TSPO: variants seen among roughly 807,000 people sequenced by gnomAD.
The protein encoded by TSPO is benzodiazepine peripheral binding site.
A neutral mutation model predicts 13.9 loss-of-function variants in TSPO; 14 were observed. The ratio of observed to expected loss-of-function variants is 1.01; its 90% CI spans 0.67 to 1.58. TSPO has a LOEUF of 1.58. Ranked by LOEUF, TSPO falls within the 40% of genes most tolerant of loss-of-function variation. The pLI, the probability that TSPO is intolerant of heterozygous loss-of-function variation, is 0.00. For missense variants in TSPO, 232 were observed against 229.6 expected, an observed-to-expected ratio of 1.01 and a Z score of -0.07; for synonymous variants, 114 against 105.9, an observed-to-expected ratio of 1.08 and a Z score of -0.47.
chr22:43,153,345 T>TGGATG (rs1214567553), intron 1 of TSPO, among the ~76,000 whole-genome samples: 45 of 49,934 alleles, frequency 9.0e-4, no homozygotes, highest in South Asian at 2.0e-3. Flanking sequence ...TCTTTTTTTT[T>TGGATG]TTTTTTTTTT....
At chr22:43,162,586 C>T (rs1333021624) in intron 3 of TSPO, among the ~76,000 whole-genome samples, 1 of 152,224 alleles carries the variant, frequency 6.6e-6, no homozygotes, top group Non-Finnish European at 1.5e-5. Flanking sequence ...GTGCACCCCA[C>T]ACAAGGCATG....
At chr22:43,154,189 T>C (rs1382061929) in intron 1 of TSPO, among the ~76,000 whole-genome samples, 2 of 151,876 alleles carry the variant, frequency 1.3e-5, no homozygotes, top group Non-Finnish European at 2.9e-5. Flanking sequence ...CGATTAGCCA[T>C]GAATCATTTT....
chr22:43,161,852 T>C (rs968317543), intron 3 of TSPO, among the ~76,000 whole-genome samples: 1 of 152,126 alleles, frequency 6.6e-6, no homozygotes, highest in Non-Finnish European at 1.5e-5. Context: ...GAAGACTCGC[T>C]GTGTTGCCCA....
intron 1 of TSPO, among the ~76,000 whole-genome samples, chr22:43,152,962 C>G (rs1412717819): frequency 6.6e-6 from 1 of 152,200 alleles, no homozygotes; most frequent in African/African-American, 2.4e-5. Flanking sequence ...CTTGGGCTCG[C>G]AGGGAGGGAG....
intron 1 of TSPO, among the ~76,000 whole-genome samples, chr22:43,158,511 G>A (rs905135122): frequency 6.6e-6 from 1 of 152,122 alleles, no homozygotes; most frequent in Non-Finnish European, 1.5e-5. Context: ...GAGCCATATT[G>A]CCACCAGGGC....
At chr22:43,162,102 C>T (rs976672261) in intron 3 of TSPO, among the ~76,000 whole-genome samples, 47 of 149,882 alleles carry the variant, frequency 3.1e-4, no homozygotes, top group African/African-American at 1.1e-3. Context: ...AGGCATGCAG[C>T]ACCATGTCCA....
intron 1 of TSPO, among the ~76,000 whole-genome samples, chr22:43,152,524 G>A (rs902532351): frequency 1.3e-5 from 2 of 152,268 alleles, no homozygotes; most frequent in Admixed American, 6.5e-5. Context: ...GGCGAGGCCC[G>A]GCGTCTCTGT....
At chr22:43,162,711 C>T (rs2147059941) in intron 3 of TSPO, 92 bp from the exon 4 acceptor site, 1 of 1,346,398 alleles carries the variant, frequency 7.4e-7, no homozygotes, top group East Asian at 2.5e-5. Context: ...GCTCCTGACT[C>T]CCAAATCCAG....
intron 2 of TSPO, 100 bp from the exon 3 acceptor site, chr22:43,160,950 TCA>T: frequency 7.2e-7 from 1 of 1,390,506 alleles, no homozygotes; most frequent in Non-Finnish European, 9.7e-7. Context: ...CACACAGCAG[TCA>T]GTGTCAGGTC....
At chr22:43,161,607 C>CTCACTCGGGTGACTCGGGAGTCAGCTCA (rs1931442869) in intron 3 of TSPO, among the ~76,000 whole-genome samples, 1 of 152,032 alleles carries the variant, frequency 6.6e-6, no homozygotes, top group African/African-American at 2.4e-5. Context: ...CTTGCCTCAG[C>CTCACTCGGGTGACTCGGGAGTCAGCTCA]CTCCCGAGTA....
At chr22:43,152,603 G>T (rs1378616375) in intron 1 of TSPO, among the ~76,000 whole-genome samples, 1 of 152,270 alleles carries the variant, frequency 6.6e-6, no homozygotes, top group Non-Finnish European at 1.5e-5. Flanking sequence ...GGGCCGTGTG[G>T]CAAGGACAGG....
chr22:43,153,113 TTC>T (rs1931139546), intron 1 of TSPO, among the ~76,000 whole-genome samples: 1 of 145,930 alleles, frequency 6.9e-6, no homozygotes, highest in Non-Finnish European at 1.5e-5. Context: ...TCCTTTCTCT[TTC>T]TCTTTTTTTC....
rs118142769 is a variant in TSPO at position 43,160,404 on chromosome 22, C to T, written c.183-648C>T. 3.6e-3 allele frequency among the ~76,000 whole-genome samples: 553 copies of T among 152,324 alleles called. 1 individual carries two copies. The highest frequency in any genetic ancestry group is 6.4e-3 in the Non-Finnish European group (435 of 68,020). Reference sequence around the variant, plus strand: ...TGCCAAGAGATCTCAGTCACTTCACCGCCTCAGTCTCCTCACTGTAAAGGG... The same window carrying T: ...TGCCAAGAGATCTCAGTCACTTCACTGCCTCAGTCTCCTCACTGTAAAGGG... On this transcript the variant is annotated intron_variant, in intron 2 of 3. Transcript: ENST00000337554.
chr22:43,156,492 G>C (rs9333323), intron 1 of TSPO, among the ~76,000 whole-genome samples: 2 of 149,996 alleles, frequency 1.3e-5, no homozygotes, highest in East Asian at 4.0e-4. Flanking sequence ...CAAATGTCCA[G>C]GATGGGCAAG....
rs900940878 is a variant in TSPO at position 43,159,289 on chromosome 22, G to A, written c.51G>A (p.Leu17=). Residue 17 remains leucine, a synonymous_variant, in exon 2 of 4, where the codon CTG becomes CTA. Coordinates refer to ENST00000337554, the MANE Select transcript of TSPO (RefSeq NM_000714.6). ...PAMGFTLAPS[L]GCFVGSRFVH... The stretch of plus-strand genomic sequence containing the variant: ...TGGGCTTCACGCTGGCGCCCAGCCT[G>A]GGGTGCTTCGTGGGCTCCCGCTTTG... 9.0e-6 allele frequency: 14 copies of A among 1,554,318 alleles called. No individual in the cohort carries two copies. Among genetic ancestry groups the A allele is most frequent in the East Asian group, 7.2e-5 (3 of 41,400 alleles).
chr22:43,157,314 G>A (rs1329694899), intron 1 of TSPO, among the ~76,000 whole-genome samples: 1 of 151,700 alleles, frequency 6.6e-6, no homozygotes, highest in African/African-American at 2.4e-5. Context: ...GGAGGGGCGG[G>A]GCAGGAGGGA....
Position 43,161,052 on chromosome 22 carries a change from G to C in TSPO, c.183G>C (p.Gly61=). The change falls in exon 3 of 4, where the codon GGG becomes GGC. Residue 61 remains glycine (G), a splice_region_variant and synonymous_variant. Coordinates refer to ENST00000337554, the MANE Select transcript of TSPO (RefSeq NM_000714.6). ...CTCTGAACTGCGGCCTCTGTTTCAG[G>C]TACGGCTCCTACCTGGTCTGGAAAG... ...PVWGTLYSAM[G]YGSYLVWKEL... 6 of 1,612,582 alleles carry C rather than the reference G, an allele frequency of 3.7e-6. No individual in the cohort carries two copies. The highest frequency in any genetic ancestry group is 5.1e-6 in the Non-Finnish European group (6 of 1,179,204).
intron 3 of TSPO, among the ~76,000 whole-genome samples, chr22:43,161,891 G>A (rs1931452951): frequency 6.6e-6 from 1 of 151,938 alleles, no homozygotes; most frequent in South Asian, 2.1e-4. Context: ...GGGCTCAAAC[G>A]ATTGATTCTC....
chr22:43,157,092 T>A (rs918704612), intron 1 of TSPO, among the ~76,000 whole-genome samples: 1 of 152,058 alleles, frequency 6.6e-6, no homozygotes, highest in African/African-American at 2.4e-5. Flanking sequence ...GAGGATGTAG[T>A]GGGAGGCTGA....
Sources: allele counts gnomAD v4.1 joint callset (sites outside exome capture counted in the v4.1 genomes callset), GRCh38; gene constraint gnomAD v4.1.1; transcripts MANE v1.5; gene names NCBI Gene and HGNC (gene_info 2026-07-23, HGNC 2026-07-21).